Variants in KCNN3 observed in about 807,000 individuals in gnomAD.
The protein encoded by KCNN3 is potassium calcium-activated channel subfamily N member 3.
KCNN3 carries 16 observed loss-of-function variants against 62.9 expected under a neutral mutation model. That is an observed-to-expected ratio of 0.25 (90% CI 0.17 to 0.39). The LOEUF is 0.39. Ranked by LOEUF, KCNN3 falls within the 10% of genes least tolerant of loss-of-function variation. The probability of loss-of-function intolerance (pLI) is 1.00; values close to 1 mark genes in which losing one functional copy is unlikely to be tolerated. For missense variants in KCNN3, 599 were observed against 949.4 expected (o/e 0.63, Z 4.85); for synonymous variants, 370 against 389.2 (o/e 0.95, Z 0.58).
intron 2 of KCNN3, among the ~76,000 whole-genome samples, chr1:154,780,834 C>T (rs990464447): frequency 9.9e-5 from 15 of 151,888 alleles, no homozygotes; most frequent in South Asian, 2.1e-4. Context: ...GAAAGGGAGG[C>T]GGGTGGGGGT....
intron 3 of KCNN3, among the ~76,000 whole-genome samples, chr1:154,746,356 G>C (rs1296156591): frequency 1.3e-5 from 2 of 152,180 alleles, no homozygotes; most frequent in Non-Finnish European, 2.9e-5. Flanking sequence ...GGGTGGAGTG[G>C]CAGGCTCAGG....
intron 5 of KCNN3, among the ~76,000 whole-genome samples, chr1:154,717,610 C>A (rs972512150): frequency 4.6e-5 from 7 of 151,640 alleles, no homozygotes; most frequent in Non-Finnish European, 7.4e-5. Context: ...ACACGGAGTC[C>A]AGGTCCTGCA....
intron 1 of KCNN3, among the ~76,000 whole-genome samples, chr1:154,834,656 T>C (rs896155965): frequency 5.3e-5 from 8 of 152,236 alleles, no homozygotes; most frequent in Non-Finnish European, 1.2e-4. Context: ...GTACCTGTTA[T>C]ATGACAGGCT....
intron 1 of KCNN3, among the ~76,000 whole-genome samples, chr1:154,858,180 T>G (rs1652612878): frequency 6.6e-6 from 1 of 152,158 alleles, no homozygotes; most frequent in Non-Finnish European, 1.5e-5. Context: ...GAAAGCATCT[T>G]GGCAGAGCTT....
intron 1 of KCNN3, among the ~76,000 whole-genome samples, chr1:154,828,834 A>G (rs111942077): frequency 2.3e-4 from 35 of 152,338 alleles, no homozygotes; most frequent in Non-Finnish European, 1.5e-4. Context: ...TGCACCCCCA[A>G]TATCAGCATT....
intron 3 of KCNN3, among the ~76,000 whole-genome samples, chr1:154,742,636 GC>G (rs1393703988): frequency 1.3e-5 from 2 of 152,230 alleles, no homozygotes; most frequent in East Asian, 1.9e-4. Flanking sequence ...CCCAGAGACT[GC>G]CTTTCATGCC....
At chr1:154,727,653 T>A (rs1228191387) in intron 4 of KCNN3, among the ~76,000 whole-genome samples, 2 of 152,232 alleles carry the variant, frequency 1.3e-5, no homozygotes, top group African/African-American at 2.4e-5. Flanking sequence ...CATTTTCCTC[T>A]TTTGTTCGAG....
intron 2 of KCNN3, among the ~76,000 whole-genome samples, chr1:154,815,977 G>A (rs956518412): frequency 6.6e-6 from 1 of 152,168 alleles, no homozygotes; most frequent in Non-Finnish European, 1.5e-5. Context: ...GCACCCAGGA[G>A]GACACTCCCA....
At chr1:154,709,062 G>A (rs907725728) in intron 7 of KCNN3, among the ~76,000 whole-genome samples, 1 of 152,004 alleles carries the variant, frequency 6.6e-6, no homozygotes, top group South Asian at 2.1e-4. Flanking sequence ...GGTCCTGAGG[G>A]TGCTCCCCTG....
At chr1:154,813,798 C>T (rs1016387226) in intron 2 of KCNN3, among the ~76,000 whole-genome samples, 12 of 152,180 alleles carry the variant, frequency 7.9e-5, no homozygotes, top group Non-Finnish European at 1.8e-4. Flanking sequence ...AGAAACAAGC[C>T]TTGCTGCCAC....
At chr1:154,736,803 CA>C (rs1700719989) in intron 3 of KCNN3, among the ~76,000 whole-genome samples, 1 of 152,162 alleles carries the variant, frequency 6.6e-6, no homozygotes, top group Non-Finnish European at 1.5e-5. Context: ...AGTGGAATTA[CA>C]TATAAATTAT....
chr1:154,757,507 A>G (rs1006557558), intron 3 of KCNN3, among the ~76,000 whole-genome samples: 1 of 152,212 alleles, frequency 6.6e-6, no homozygotes, highest in Non-Finnish European at 1.5e-5. Flanking sequence ...GCATGGGGCT[A>G]TAGAATGGAA....
chr1:154,791,538 G>A (rs116839037), intron 2 of KCNN3, among the ~76,000 whole-genome samples: 573 of 152,224 alleles, frequency 3.8e-3, no homozygotes, highest in Non-Finnish European at 6.1e-3. Flanking sequence ...AAAAAGCCTC[G>A]AGAACTGAGA....
chr1:154,814,508 C>T (rs1650576326), intron 2 of KCNN3, among the ~76,000 whole-genome samples: 1 of 152,168 alleles, frequency 6.6e-6, no homozygotes, highest in Non-Finnish European at 1.5e-5. Flanking sequence ...AAGGGGCACC[C>T]TGGGGTCAGG....
chr1:154,854,197 T>C (rs1652424255), intron 1 of KCNN3, among the ~76,000 whole-genome samples: 1 of 152,150 alleles, frequency 6.6e-6, no homozygotes. Flanking sequence ...ATTGGGCCAC[T>C]GAACTCCAGC....
At chr1:154,848,339 C>A (rs60328853) in intron 1 of KCNN3, among the ~76,000 whole-genome samples, 1 of 152,154 alleles carries the variant, frequency 6.6e-6, no homozygotes, top group African/African-American at 2.4e-5. Flanking sequence ...GACCTCCCCC[C>A]ATATCTTCCC....
intron 3 of KCNN3, among the ~76,000 whole-genome samples, chr1:154,744,251 C>G (rs1032907921): frequency 6.6e-6 from 1 of 151,854 alleles, no homozygotes; most frequent in African/African-American, 2.4e-5. Flanking sequence ...ATGAATGGCT[C>G]CACTTCGTCT....
chr1:154,737,057 A>G (rs1462035650), intron 3 of KCNN3: 1 of 702,392 alleles, frequency 1.4e-6, no homozygotes, highest in Non-Finnish European at 2.6e-6. Flanking sequence ...GCAGGAAGTG[A>G]TGAGCCAGAA....
At chr1:154,756,194 G>GTGA (rs1647692581) in intron 3 of KCNN3, among the ~76,000 whole-genome samples, 1 of 117,910 alleles carries the variant, frequency 8.5e-6, no homozygotes, top group African/African-American at 3.3e-5. Flanking sequence ...GGATGGGGAG[G>GTGA]GGAGGAGGAG....
Sources: gnomAD v4.1 joint callset for allele counts (sites outside exome capture counted in the v4.1 genomes callset) on GRCh38, gnomAD v4.1.1 for gene constraint, MANE v1.5 for transcripts, NCBI Gene and HGNC (gene_info 2026-07-23, HGNC 2026-07-21) for gene names.